Variants in TMC1 observed in about 807,000 individuals in gnomAD.
TMC1 encodes transmembrane channel-like protein 1.
TMC1 carries 84 observed loss-of-function variants against 105.8 expected under a neutral mutation model. The ratio of observed to expected loss-of-function variants is 0.79; its 90% confidence interval spans 0.67 to 0.95. The LOEUF (loss-of-function observed/expected upper bound fraction) is 0.95, where lower values mean the gene tolerates loss of function less well. TMC1 is among the 40% of genes least tolerant of loss of function. The pLI is 0.00. For missense variants in TMC1, 817 were observed against 914.1 expected, an observed-to-expected ratio of 0.89 and a Z score of 1.37; for synonymous variants, 315 against 311.5, an observed-to-expected ratio of 1.01 and a Z score of -0.12.
chr9:72,708,351 G>A (rs1323077837), intron 8 of TMC1, among the ~76,000 whole-genome samples: 1 of 152,140 alleles, frequency 6.6e-6, no homozygotes, highest in Non-Finnish European at 1.5e-5. Context: ...GATTACTTTA[G>A]GTAGTATGGT....
At chr9:72,658,810 T>C (rs939413104) in intron 5 of TMC1, among the ~76,000 whole-genome samples, 4 of 152,178 alleles carry the variant, frequency 2.6e-5, no homozygotes, top group Non-Finnish European at 4.4e-5. Context: ...GCTGGGGTGT[T>C]ACAAAAGGCC....
intron 12 of TMC1, among the ~76,000 whole-genome samples, chr9:72,766,008 C>A (rs1010838492): frequency 3.3e-5 from 5 of 152,174 alleles, no homozygotes; most frequent in African/African-American, 1.2e-4. Context: ...CACATACGAC[C>A]TATGAGATAT....
intron 2 of TMC1, among the ~76,000 whole-genome samples, chr9:72,586,065 G>C (rs1253179788): frequency 1.3e-5 from 2 of 152,166 alleles, no homozygotes; most frequent in Non-Finnish European, 2.9e-5. Flanking sequence ...ATTTACACAA[G>C]GGCTGATTTC....
chr9:72,614,114 A>G (rs1255166142), intron 2 of TMC1, among the ~76,000 whole-genome samples: 1 of 152,166 alleles, frequency 6.6e-6, no homozygotes, highest in East Asian at 1.9e-4. Flanking sequence ...AACTGAACTG[A>G]TATTTCCTTT....
chr9:72,597,470 C>T (rs914837225), intron 2 of TMC1, among the ~76,000 whole-genome samples: 3 of 152,294 alleles, frequency 2.0e-5, no homozygotes, highest in South Asian at 4.2e-4. Context: ...GGTTGAAGAG[C>T]GAGTGGCCAT....
chr9:72,753,690 G>A (rs1827622308), intron 11 of TMC1, among the ~76,000 whole-genome samples: 1 of 152,126 alleles, frequency 6.6e-6, no homozygotes, highest in African/African-American at 2.4e-5. Flanking sequence ...TGACTTTGCA[G>A]AACCACCAGA....
chr9:72,689,555 T>C (rs1346106024), intron 6 of TMC1, among the ~76,000 whole-genome samples: 1 of 152,172 alleles, frequency 6.6e-6, no homozygotes, highest in Non-Finnish European at 1.5e-5. Context: ...TGAAGTTTCC[T>C]ACTATAATTA....
chr9:72,789,962 A>G (rs949723691), intron 15 of TMC1, among the ~76,000 whole-genome samples: 2 of 152,194 alleles, frequency 1.3e-5, no homozygotes, highest in Non-Finnish European at 2.9e-5. Flanking sequence ...GCTCTTTTCC[A>G]GGAATTAAAC....
intron 18 of TMC1, among the ~76,000 whole-genome samples, chr9:72,810,043 G>A (rs1226196605): frequency 6.6e-6 from 1 of 150,876 alleles, no homozygotes; most frequent in Non-Finnish European, 1.5e-5. Context: ...GAATGATCAG[G>A]ATTTCAAGAG....
rs777142875 is a variant in TMC1 at position 72,751,843 on chromosome 9, G to A, written c.536-7G>A. 3.2e-6 allele frequency: 5 copies of A among 1,582,254 alleles called. No individual in the cohort carries two copies. The South Asian group carries it at 3.3e-5, about 10-fold the overall frequency. Reference sequence around the variant, plus strand: ...TCTCTTCAAACTTTTTATTTTCTTTGTAATAGGTCAGTTTGGCTCCTCAGT... The same window carrying A: ...TCTCTTCAAACTTTTTATTTTCTTTATAATAGGTCAGTTTGGCTCCTCAGT... On this transcript the variant is annotated splice_region_variant and splice_polypyrimidine_tract_variant and intron_variant, in intron 10 of 23. Transcript: ENST00000297784.
At chr9:72,530,337 C>G (rs10125257) in intron 1 of TMC1, among the ~76,000 whole-genome samples, 43,659 of 151,878 alleles carry the variant, frequency 0.29, 6,901 homozygotes, top group African/African-American at 0.39. Flanking sequence ...CCACACCTGG[C>G]TAATTTTTTT....
intron 13 of TMC1, among the ~76,000 whole-genome samples, chr9:72,772,968 A>T (rs898196119): frequency 2.6e-5 from 4 of 152,148 alleles, no homozygotes; most frequent in Admixed American, 6.6e-5. Flanking sequence ...CTCATTTTTT[A>T]AAAAAACCAG....
intron 2 of TMC1, among the ~76,000 whole-genome samples, chr9:72,606,323 G>C (rs1824911977): frequency 6.6e-6 from 1 of 151,514 alleles, no homozygotes; most frequent in South Asian, 2.1e-4. Flanking sequence ...TTGGGGATGG[G>C]ATAAGAGAGA....
At chr9:72,686,673 C>A (rs1826385541) in intron 5 of TMC1, among the ~76,000 whole-genome samples, 3 of 152,266 alleles carry the variant, frequency 2.0e-5, no homozygotes, top group South Asian at 4.1e-4. Flanking sequence ...GACTATAAAA[C>A]ATGACTGTTC....
intron 4 of TMC1, among the ~76,000 whole-genome samples, chr9:72,634,254 C>T (rs565818735): frequency 9.3e-4 from 141 of 152,074 alleles, no homozygotes; most frequent in Admixed American, 5.1e-3. Flanking sequence ...TGCCAGAATG[C>T]GAAAGTTTAA....
chr9:72,595,000 G>C (rs1824696032), intron 2 of TMC1, among the ~76,000 whole-genome samples: 1 of 152,038 alleles, frequency 6.6e-6, no homozygotes, highest in South Asian at 2.1e-4. Flanking sequence ...CGAGTAGGTG[G>C]TACTAGAGGT....
In TMC1 at chr9:72,837,985, T is replaced by C. The variant is rs1355129676; in HGVS notation, c.*2012T>C. The C allele has an allele frequency of 6.6e-6, 1 of 152,260 alleles. No individual in the cohort carries two copies. The highest frequency in any genetic ancestry group is 6.5e-5 in the Admixed American group (1 of 15,290). The allele number at this position is 152,260 out of a possible 1,614,324, so 9.4% of individuals were successfully genotyped here. ...TCATGTGACTTGTAATGGTTCCTTA[T>C]TATTTTTTGATGCATGGATTATCTT... On this transcript the variant is annotated 3_prime_UTR_variant, in exon 24 of 24. Transcript: ENST00000297784.
At chr9:72,544,352 A>G (rs1823728894) in intron 1 of TMC1, among the ~76,000 whole-genome samples, 1 of 112,102 alleles carries the variant, frequency 8.9e-6, no homozygotes, top group African/African-American at 4.1e-5. Context: ...CACTTCACTC[A>G]AGCCATGTTT....
At chr9:72,764,066 A>T (rs1298828416) in intron 12 of TMC1, among the ~76,000 whole-genome samples, 2 of 152,244 alleles carry the variant, frequency 1.3e-5, no homozygotes, top group Admixed American at 1.3e-4. Flanking sequence ...GCATTAAATT[A>T]TAGTCAATAA....
Sources: allele counts gnomAD v4.1 joint callset (sites outside exome capture counted in the v4.1 genomes callset), GRCh38; gene constraint gnomAD v4.1.1; transcripts MANE v1.5; gene names NCBI Gene and HGNC (gene_info 2026-07-23, HGNC 2026-07-21).